Variants in DDX54 observed in about 807,000 individuals in gnomAD.
DDX54 encodes the protein ATP-dependent RNA helicase DDX54.
In DDX54, 67 loss-of-function variants were observed where a neutral mutation model predicts 105.5. The observed-to-expected ratio is 0.64, with a 90% confidence interval of 0.52 to 0.78. DDX54 has a LOEUF of 0.78. Ranked by LOEUF, DDX54 falls within the 30% of genes least tolerant of loss-of-function variation. The pLI, the probability that DDX54 is intolerant of heterozygous loss-of-function variation, is 0.00. For missense variants in DDX54, 1,206 were observed against 1,230.5 expected (o/e 0.98, Z 0.30); for synonymous variants, 514 against 509.9 (o/e 1.01, Z -0.11).
chr12:113,169,774 G>A lies in DDX54; in HGVS notation c.1410C>T (p.Pro470=), dbSNP rs974506887. 1.2e-6 allele frequency: 2 copies of A among 1,613,884 alleles called. No homozygotes were observed. The highest frequency in any genetic ancestry group is 2.2e-5 in the South Asian group (2 of 91,066). Residue 470 remains proline, a synonymous_variant, in exon 12 of 20, where the codon CCC becomes CCT. Transcript: ENST00000306014. ...SLTLARPLKE[P]SGVAGVDGML... is the part of the protein sequence containing the mutation. Reference sequence around the variant, plus strand: ...CCCCACCCAGCCTCCACTCACCTGAGGGCTCCTTGAGGGGTCGGGCGAGGG... The same window carrying A: ...CCCCACCCAGCCTCCACTCACCTGAAGGCTCCTTGAGGGGTCGGGCGAGGG...
In DDX54 at chr12:113,185,276, AC is replaced by A. The variant is rs756035937; in HGVS notation, c.174+1del. The A allele has an allele frequency of 1.1e-4, 174 of 1,556,540 alleles. No homozygotes were observed. Among genetic ancestry groups the A allele is most frequent in the Non-Finnish European group, 1.3e-4 (153 of 1,154,228 alleles). ...ACATGCGTCCCAGCCCCACGCGCCT[AC>A]CTTCCGGGCCCGGGCGTCATCTTCC... On this transcript the variant is annotated splice_donor_variant, in intron 1 of 19. Transcript: ENST00000306014. LOFTEE classifies it high-confidence loss of function.
At chr12:113,176,960 T>G in intron 6 of DDX54, 25 bp from the exon 7 acceptor site, 1 of 1,614,002 alleles carries the variant, frequency 6.2e-7, no homozygotes, top group Non-Finnish European at 8.5e-7. Context: ...ACAGGCCAGG[T>G]GACCCCAGGG....
intron 7 of DDX54, 141 bp from the exon 8 acceptor site, chr12:113,175,298 T>C (rs1952390479): frequency 3.4e-6 from 4 of 1,185,174 alleles, no homozygotes; most frequent in Non-Finnish European, 4.6e-6. Flanking sequence ...ACTTATCACG[T>C]GACTTCATCC....
rs549661114 is a variant in DDX54, at chr12:113,185,474, A to C, written c.-23T>G. 4.7e-6 allele frequency: 7 copies of C among 1,483,272 alleles called. No individual in the cohort carries two copies. The Admixed American group carries it at 1.5e-4, about 33-fold the overall frequency. The allele number at this position is 1,483,272 out of a possible 1,614,324, so 91.9% of individuals were successfully genotyped here. On this transcript the variant is annotated 5_prime_UTR_variant, in exon 1 of 20. Transcript: ENST00000306014. ...CATTCGGGCCGCGCGCTGGGAACGC[A>C]GAAGGGGGCGTGGCCTGAGGAGCGC...
In DDX54 at chr12:113,162,651, C is replaced by T. The variant is rs536988816; in HGVS notation, c.2195+281G>A. 2.9e-4 allele frequency: 117 copies of T among 402,946 alleles called. 1 individual carries two copies. Among genetic ancestry groups the T allele is most frequent in the African/African-American group, 2.4e-3 (107 of 44,198 alleles). The allele number at this position is 402,946 out of a possible 1,614,324, so 25.0% of individuals were successfully genotyped here. A position where few individuals can be genotyped will look rare whatever the true frequency, so the allele number is the denominator to read the frequency against. ...TCACTCACCCCAGGGAATGGAGGGG[C>T]GGCTCACTCGCTCACTCACTTCAGG... On this transcript the variant is annotated intron_variant, in intron 17 of 19. Coordinates refer to ENST00000306014, the MANE Select transcript of DDX54 (RefSeq NM_024072.4).
At chr12:113,183,432 G>C (rs970064218) in intron 1 of DDX54, among the ~76,000 whole-genome samples, 4 of 152,264 alleles carry the variant, frequency 2.6e-5, no homozygotes, top group African/African-American at 7.2e-5. Context: ...GTACTGGCTA[G>C]GCTGGAAGAT....
At position 113,180,919 on chromosome 12, in the gene DDX54, T is replaced by TCCC; in HGVS notation, c.304+9_304+10insGGG. ...CTCCCGCAGAGTCCCTGATGCCAAG[T>TCCC]TGCACCCACCCATGGACTGGAAGCC... On this transcript the variant is annotated intron_variant, in intron 2 of 19. Coordinates refer to ENST00000306014, the MANE Select transcript of DDX54 (RefSeq NM_024072.4). 6.2e-7 allele frequency: 1 copy of TCCC among 1,613,118 alleles called. No homozygotes were observed. Among genetic ancestry groups the TCCC allele is most frequent in the South Asian group, 1.1e-5 (1 of 90,928 alleles).
intron 10 of DDX54, 54 bp from the exon 11 acceptor site, chr12:113,172,617 AAAGG>A (rs1201628398): frequency 6.3e-7 from 1 of 1,593,000 alleles, no homozygotes; most frequent in African/African-American, 1.3e-5. Flanking sequence ...AGGAGAAAGG[AAAGG>A]AAGCCAGACC....
At chr12:113,169,177 T>A (rs1160353493) in intron 12 of DDX54, among the ~76,000 whole-genome samples, 3 of 151,990 alleles carry the variant, frequency 2.0e-5, no homozygotes, top group African/African-American at 7.3e-5. Flanking sequence ...ATACCAGAAA[T>A]CTGGATTGTT....
intron 9 of DDX54, 27 bp from the exon 10 acceptor site, chr12:113,174,798 G>C: frequency 1.2e-6 from 2 of 1,614,194 alleles, no homozygotes; most frequent in Non-Finnish European, 1.7e-6. Flanking sequence ...TCACGTGTTG[G>C]CTTACGGGGT....
At chr12:113,177,840 G>A (rs1952421840) in intron 5 of DDX54, among the ~76,000 whole-genome samples, 1 of 152,178 alleles carries the variant, frequency 6.6e-6, no homozygotes, top group Admixed American at 6.5e-5. Context: ...AACAGACGTG[G>A]CACCTACTAC....
chr12:113,171,560 C>T (rs1952339509), intron 11 of DDX54, among the ~76,000 whole-genome samples: 1 of 151,122 alleles, frequency 6.6e-6, no homozygotes, highest in African/African-American at 2.4e-5. Context: ...GCCGAGATCA[C>T]ACCCCTGCAC....
Position 113,161,267 on chromosome 12 carries a change from C to T in DDX54, c.2413+3G>A. The T allele has an allele frequency of 6.2e-7, 1 of 1,610,060 alleles. No individual in the cohort carries two copies. Among genetic ancestry groups the T allele is most frequent in the Non-Finnish European group, 8.5e-7 (1 of 1,177,576 alleles). On this transcript the variant is annotated splice_donor_region_variant and intron_variant, in intron 19 of 19. Coordinates refer to ENST00000306014, the MANE Select transcript of DDX54 (RefSeq NM_024072.4). ...CACCCACACTCCCCACCCTGGCTCT[C>T]ACCTTGGCCACGGTCTCGCTTCCCA...
Position 113,174,910 on chromosome 12 carries a change from G to A in DDX54, c.901C>T (p.Leu301Phe). The A allele has an allele frequency of 6.2e-7, 1 of 1,613,782 alleles. No homozygotes were observed. Among genetic ancestry groups the A allele is most frequent in the Non-Finnish European group, 8.5e-7 (1 of 1,179,868 alleles). ...AGLTEPVLIR[L>F]DVDTKLNEQL... ...TCGTTGAGCTTGGTATCCACGTCAAGCCGGATGAGCACGGGCTCCGTGAGG... is the reference window on the plus strand; with the variant it reads ...TCGTTGAGCTTGGTATCCACGTCAAACCGGATGAGCACGGGCTCCGTGAGG... The change falls in exon 9 of 20, where the codon CTT (leucine) becomes TTT (phenylalanine). Residue 301 changes from leucine (L) to phenylalanine (F), a missense_variant. Leu to Phe is a conservative substitution (Grantham distance 22). Coordinates refer to ENST00000306014, the MANE Select transcript of DDX54 (RefSeq NM_024072.4).
At chr12:113,177,753 T>C (rs1033582885) in intron 5 of DDX54, among the ~76,000 whole-genome samples, 1 of 152,178 alleles carries the variant, frequency 6.6e-6, no homozygotes, top group African/African-American at 2.4e-5. Context: ...GGCAGGAGAC[T>C]GGATTCTGAT....
At chr12:113,177,850 C>A (rs1280254921) in intron 5 of DDX54, among the ~76,000 whole-genome samples, 1 of 152,160 alleles carries the variant, frequency 6.6e-6, no homozygotes, top group Non-Finnish European at 1.5e-5. Context: ...GCACCTACTA[C>A]CTAGGAAGGG....
chr12:113,181,188 T>A (rs1489101947), intron 1 of DDX54, 130 bp from the exon 2 acceptor site: 1 of 1,162,510 alleles, frequency 8.6e-7, no homozygotes, highest in Admixed American at 3.6e-5. Flanking sequence ...ATCACGTCAC[T>A]TTTTTGCTAG....
At position 113,164,175 on chromosome 12, in the gene DDX54, C is replaced by T. The variant is rs1306878177; in HGVS notation, c.1830G>A (p.Gly610=). 2.6e-6 allele frequency: 4 copies of T among 1,560,964 alleles called. No homozygotes were observed. The South Asian group carries it at 4.7e-5, about 18-fold the overall frequency. The change falls in exon 15 of 20, where the codon GGG becomes GGA. Residue 610 remains glycine, a synonymous_variant. Transcript: ENST00000306014. ...AIARFQQGQQ[G]RQEQQEGPVG... ...CTGGGCCCTCCTGCTGCTCCTGCCG[C>T]CCCTGCTGTCCCTGCTGGAAGCGGG... is the stretch of plus-strand genomic sequence containing the variant.
In DDX54 at chr12:113,179,022, C is replaced by A; in HGVS notation, c.569G>T (p.Gly190Val). Residue 190 changes from glycine to valine, a missense_variant, in exon 5 of 20, where the codon GGC becomes GTC. This residue lies in a region of DDX54 where 961 missense variants were observed against 1,019.1 expected (regional missense o/e 0.94). Coordinates refer to ENST00000306014, the MANE Select transcript of DDX54 (RefSeq NM_024072.4). The stretch of plus-strand genomic sequence containing the variant: ...GGCAGTCTTGAGGCCAGTGAACTTG[C>A]CTAGCTGAGAAGAGAAAGTGATTGA... ...LQTLKFTKELGKFTGLKTALI... is the reference protein window; with the variant it reads ...LQTLKFTKELVKFTGLKTALI... The A allele has an allele frequency of 6.2e-7, 1 of 1,614,100 alleles. No individual in the cohort carries two copies.
Sources: allele counts gnomAD v4.1 joint callset (sites outside exome capture counted in the v4.1 genomes callset), GRCh38; gene constraint gnomAD v4.1.1; regional missense constraint gnomAD v4.1.1; transcripts MANE v1.5; gene names NCBI Gene and HGNC (gene_info 2026-07-23, HGNC 2026-07-21).